The following PCDHGB1 variants were observed in gnomAD, a reference collection of about 807,000 sequenced individuals.
PCDHGB1 encodes the protein protocadherin gamma-B1.
PCDHGB1 carries 34 observed loss-of-function variants against 56.6 expected under a neutral mutation model. That is an observed-to-expected ratio of 0.60 (90% CI 0.46 to 0.80). PCDHGB1 has a LOEUF of 0.80. PCDHGB1 is among the 30% of genes least tolerant of loss of function. PCDHGB1 has a pLI of 0.00. For synonymous variants in PCDHGB1, 561 were observed against 505.9 expected (o/e 1.11, Z -1.46); for missense variants, 1,278 against 1,204.6 (o/e 1.06, Z -0.90).
chr5:141,368,755 G>A (rs557718841), intron 1 of PCDHGB1, among the ~76,000 whole-genome samples: 1 of 151,984 alleles, frequency 6.6e-6, no homozygotes, highest in Non-Finnish European at 1.5e-5. Flanking sequence ...TTAAATATCT[G>A]AATCTTTAGT....
rs753032334 is a variant in PCDHGB1 at position 141,372,277 on chromosome 5, C to G, written c.2409+19608C>G. The G allele has an allele frequency of 7.4e-6, 12 of 1,612,994 alleles. No individual in the cohort carries two copies. Among genetic ancestry groups the G allele is most frequent in the Middle Eastern group, 3.3e-4 (2 of 6,080 alleles). Reference sequence around the variant, plus strand: ...GGCCTGCGCACGGGTGAGGTGCGCACGGCGCGTACCTTGGGCGACAGGGAG... The same window carrying G: ...GGCCTGCGCACGGGTGAGGTGCGCAGGGCGCGTACCTTGGGCGACAGGGAG... On this transcript the variant is annotated intron_variant, in intron 1 of 3. Transcript: ENST00000523390.
rs143907071 is a variant in PCDHGB1, at chr5:141,372,926, G to A, written c.2409+20257G>A. 48 of 943,814 alleles carry A rather than the reference G, an allele frequency of 5.1e-5. No individual in the cohort carries two copies. In the African/African-American group the frequency reaches 7.5e-4, roughly 15 times the overall value. 58.5% of individuals were successfully genotyped at this position (943,814 alleles called of 1,614,324 possible). On this transcript the variant is annotated intron_variant, in intron 1 of 3. Coordinates refer to ENST00000523390, the MANE Select transcript of PCDHGB1 (RefSeq NM_018922.3). ...GATTACATTATTTTATTGATTTTCT[G>A]GTGTAGAGTAGGGTGTCTAGGAAAT...
rs756415779 is a variant in PCDHGB1, at chr5:141,350,468, G to A, written c.208G>A (p.Asp70Asn). 6.2e-7 allele frequency: 1 copy of A among 1,614,024 alleles called. No individual in the cohort carries two copies. Among genetic ancestry groups the A allele is most frequent in the Non-Finnish European group, 8.5e-7 (1 of 1,179,884 alleles). Residue 70 changes from aspartate to asparagine, a missense_variant, in exon 1 of 4, where the codon GAT becomes AAT. Transcript: ENST00000523390. ...PTRKLRVSAE[D>N]YFNVSLESGD... ...TCGAAAACTGCGGGTTAGTGCAGAG[G>A]ATTATTTCAACGTTAGTTTGGAGAG...
intron 1 of PCDHGB1, chr5:141,475,848 C>T (rs1562050268): frequency 4.4e-6 from 2 of 451,496 alleles, no homozygotes; most frequent in Non-Finnish European, 7.9e-6. Context: ...TCAGAGAGCC[C>T]GGCGCTAGCT....
intron 1 of PCDHGB1, among the ~76,000 whole-genome samples, chr5:141,401,114 CG>C (rs566829189): frequency 5.5e-4 from 84 of 152,224 alleles, no homozygotes; most frequent in African/African-American, 2.0e-3. Context: ...GAGGCCGAGG[CG>C]GTTGGATCAC....
intron 1 of PCDHGB1, chr5:141,393,928 A>G: frequency 2.5e-6 from 4 of 1,614,004 alleles, no homozygotes; most frequent in South Asian, 2.2e-5. Flanking sequence ...TTGAGTGTGC[A>G]TGACCAAGAC....
intron 1 of PCDHGB1, chr5:141,395,508 A>T: frequency 2.2e-6 from 1 of 461,184 alleles, no homozygotes. Context: ...CTTAAGAAGT[A>T]GCTACCCGTC....
intron 1 of PCDHGB1, chr5:141,408,720 A>G (rs1325828281): frequency 6.2e-7 from 1 of 1,611,214 alleles, no homozygotes; most frequent in African/African-American, 1.3e-5. Context: ...TATAAGATAA[A>G]CTCTAATCCT....
intron 1 of PCDHGB1, among the ~76,000 whole-genome samples, chr5:141,444,732 A>G (rs2098445644): frequency 6.6e-6 from 1 of 152,194 alleles, no homozygotes; most frequent in Admixed American, 6.6e-5. Context: ...CTTTGTTGAA[A>G]GTCATTTCAC....
At chr5:141,371,200 T>C in intron 1 of PCDHGB1, 3 of 1,614,034 alleles carry the variant, frequency 1.9e-6, no homozygotes, top group Non-Finnish European at 2.5e-6. Flanking sequence ...GCCATTGACA[T>C]GGATGAGGGC....
intron 1 of PCDHGB1, chr5:141,390,312 C>A: frequency 1.2e-6 from 2 of 1,612,028 alleles, no homozygotes; most frequent in South Asian, 2.2e-5. Flanking sequence ...ATTTAATGCT[C>A]ATTGCCTACC....
At chr5:141,422,202 T>C (rs1272540004) in intron 1 of PCDHGB1, 1 of 1,561,656 alleles carries the variant, frequency 6.4e-7, no homozygotes, top group Admixed American at 2.0e-5. Flanking sequence ...GCCAAGATGG[T>C]GGAGGTCTCT....
intron 1 of PCDHGB1, chr5:141,366,385 G>A: frequency 3.1e-6 from 5 of 1,614,150 alleles, no homozygotes; most frequent in Non-Finnish European, 4.2e-6. Flanking sequence ...TTGACCCTGA[G>A]GATCTGGACC....
intron 1 of PCDHGB1, among the ~76,000 whole-genome samples, chr5:141,386,678 G>A (rs1376452903): frequency 6.6e-6 from 1 of 152,012 alleles, no homozygotes; most frequent in African/African-American, 2.4e-5. Flanking sequence ...CATTTCAGAT[G>A]TACAATCACT....
intron 1 of PCDHGB1, chr5:141,478,419 G>A (rs2530208): frequency 3.7e-6 from 6 of 1,613,632 alleles, no homozygotes; most frequent in South Asian, 2.2e-5. Context: ...GACTCCCGCC[G>A]CAGCGACCCG....
intron 2 of PCDHGB1, among the ~76,000 whole-genome samples, chr5:141,497,541 T>A (rs1157403777): frequency 1.1e-5 from 1 of 89,566 alleles, no homozygotes; most frequent in Admixed American, 1.2e-4. Context: ...GCAACAAACC[T>A]TTTTTTTTTT....
chr5:141,418,360 G>A (rs544948410), intron 1 of PCDHGB1: 3 of 1,613,990 alleles, frequency 1.9e-6, no homozygotes, highest in Non-Finnish European at 2.5e-6. Context: ...TGAATTCGCT[G>A]AGCAAATACC....
At chr5:141,366,718 G>A (rs772444465) in intron 1 of PCDHGB1, 26 of 1,613,638 alleles carry the variant, frequency 1.6e-5, no homozygotes, top group Admixed American at 3.3e-5. Context: ...TGTCTGATAA[G>A]GTAGATGCAA....
intron 1 of PCDHGB1, among the ~76,000 whole-genome samples, chr5:141,480,216 C>T (rs1055544952): frequency 1.9e-4 from 28 of 147,036 alleles, no homozygotes; most frequent in Non-Finnish European, 3.6e-4. Flanking sequence ...CCAGCCTGAG[C>T]GACATAGTGA....
Sources: allele counts gnomAD v4.1 joint callset (sites outside exome capture counted in the v4.1 genomes callset), GRCh38; gene constraint gnomAD v4.1.1; transcripts MANE v1.5; gene names NCBI Gene and HGNC (gene_info 2026-07-23, HGNC 2026-07-21).